Variants in ATP6V0A4 observed in about 807,000 individuals in gnomAD.
ATP6V0A4 encodes the protein ATPase H+ transporting V0 subunit a4.
ATP6V0A4 carries 86 observed loss-of-function variants against 107.3 expected under a neutral mutation model. The ratio of observed to expected loss-of-function variants is 0.80; its 90% CI spans 0.67 to 0.96. The LOEUF (loss-of-function observed/expected upper bound fraction) is 0.96, where lower values mean the gene tolerates loss of function less well. Ranked by LOEUF, ATP6V0A4 falls within the 40% of genes least tolerant of loss-of-function variation. ATP6V0A4 has a pLI of 0.00. For synonymous variants in ATP6V0A4, 353 were observed against 381.4 expected (o/e 0.93, Z 0.87); for missense variants, 908 against 1,045.6 (o/e 0.87, Z 1.81).
At chr7:138,712,851 C>A (rs539648204) in intron 20 of ATP6V0A4, among the ~76,000 whole-genome samples, 41 of 152,204 alleles carry the variant, frequency 2.7e-4, no homozygotes, top group African/African-American at 9.6e-4. Context: ...TATTATGACT[C>A]AAGTCCTCCA....
Position 138,706,433 on chromosome 7 carries a change from C to T in ATP6V0A4, c.*191G>A. 1 of 657,152 alleles carries T rather than the reference C, an allele frequency of 1.5e-6. No homozygotes were observed. Among genetic ancestry groups the T allele is most frequent in the Non-Finnish European group, 2.6e-6 (1 of 379,406 alleles). The allele number at this position is 657,152 out of a possible 1,614,324, so 40.7% of individuals were successfully genotyped here. On this transcript the variant is annotated 3_prime_UTR_variant, in exon 22 of 22. Transcript: ENST00000310018. The stretch of plus-strand genomic sequence containing the variant: ...CCCACATGAAGACAATATCACTTGC[C>T]AAAGTCCTTCCTCTGACGTGGTTAA...
intron 13 of ATP6V0A4, among the ~76,000 whole-genome samples, chr7:138,745,657 T>TAAAAA (rs1200643046): frequency 4.2e-5 from 1 of 23,900 alleles, no homozygotes. Context: ...AGCCTGTGTC[T>TAAAAA]CAAAAAAAAA....
At chr7:138,755,091 G>A (rs1806441268) in intron 10 of ATP6V0A4, among the ~76,000 whole-genome samples, 1 of 152,156 alleles carries the variant, frequency 6.6e-6, no homozygotes, top group Non-Finnish European at 1.5e-5. Flanking sequence ...TCGAACTCTA[G>A]CACTGATGAG....
intron 10 of ATP6V0A4, 68 bp downstream of exon 10, chr7:138,755,621 G>T: frequency 6.2e-7 from 1 of 1,602,038 alleles, no homozygotes. Context: ...GGCAGGGCTT[G>T]TATGAAAACA....
intron 10 of ATP6V0A4, 111 bp downstream of exon 10, chr7:138,755,578 A>G: frequency 6.9e-7 from 1 of 1,451,928 alleles, no homozygotes; most frequent in Non-Finnish European, 9.4e-7. Context: ...CATAGCCAGC[A>G]TTCCAGCCAG....
intron 21 of ATP6V0A4, among the ~76,000 whole-genome samples, chr7:138,707,732 C>T (rs1265519029): frequency 6.6e-6 from 1 of 151,386 alleles, no homozygotes; most frequent in Non-Finnish European, 1.5e-5. Context: ...AAGCCCTTCT[C>T]TCATCTGTCT....
intron 9 of ATP6V0A4, 137 bp from the exon 10 acceptor site, chr7:138,755,919 C>A: frequency 6.7e-7 from 1 of 1,485,870 alleles, no homozygotes. Context: ...TCTTTGGCCA[C>A]TGGAAAAGGA....
At position 138,732,978 on chromosome 7, in the gene ATP6V0A4, C is replaced by G. The variant is rs374330946; in HGVS notation, c.1807G>C (p.Val603Leu). The change falls in exon 17 of 22, where the codon GTC (valine) becomes CTC (leucine). Residue 603 changes from valine (V) to leucine (L), a missense_variant. Val to Leu is a conservative substitution (Grantham distance 32). Coordinates refer to ENST00000310018, the MANE Select transcript of ATP6V0A4 (RefSeq NM_020632.3). ...CTGGGGGCGTGCTGAGATACATGGA[C>G]GTCAAAGCAGCACCATTTGAAAATG... The part of the protein sequence containing the change: ...MIIFKWCCFD[V>L]HVSQHAPSIL... 6.2e-7 allele frequency: 1 copy of G among 1,613,388 alleles called. No individual in the cohort carries two copies. Among genetic ancestry groups the G allele is most frequent in the Non-Finnish European group, 8.5e-7 (1 of 1,179,762 alleles).
intron 11 of ATP6V0A4, among the ~76,000 whole-genome samples, chr7:138,751,468 G>A (rs1274018107): frequency 6.6e-6 from 1 of 151,680 alleles, no homozygotes; most frequent in Non-Finnish European, 1.5e-5. Context: ...CTTCAATGGG[G>A]TGAATAACGG....
chr7:138,788,338 G>T (rs932302278), intron 1 of ATP6V0A4, among the ~76,000 whole-genome samples: 4 of 152,194 alleles, frequency 2.6e-5, no homozygotes, highest in African/African-American at 9.6e-5. Context: ...AGTAATTGTA[G>T]GGAACCAGAA....
At chr7:138,782,907 T>A (rs2130192235) in intron 2 of ATP6V0A4, among the ~76,000 whole-genome samples, 1 of 152,210 alleles carries the variant, frequency 6.6e-6, no homozygotes, top group East Asian at 1.9e-4. Context: ...AAACCCCTTC[T>A]CTACTAAAAA....
At chr7:138,761,450 C>T (rs1344802569) in intron 7 of ATP6V0A4, among the ~76,000 whole-genome samples, 1 of 151,944 alleles carries the variant, frequency 6.6e-6, no homozygotes, top group South Asian at 2.1e-4. Flanking sequence ...CTGCCTAACA[C>T]GGTGAAACCC....
At chr7:138,712,263 C>T (rs1429233506) in intron 20 of ATP6V0A4, among the ~76,000 whole-genome samples, 3 of 151,912 alleles carry the variant, frequency 2.0e-5, no homozygotes, top group Non-Finnish European at 4.4e-5. Context: ...TGGATCTCAG[C>T]GCTTCAAGTC....
At chr7:138,734,105 G>C in intron 16 of ATP6V0A4, 31 bp downstream of exon 16, 1 of 1,584,016 alleles carries the variant, frequency 6.3e-7, no homozygotes, top group East Asian at 2.2e-5. Flanking sequence ...TGATCAGACA[G>C]AGCAGGCAGA....
intron 19 of ATP6V0A4, among the ~76,000 whole-genome samples, chr7:138,718,221 TGTGTGTGTGCGC>T (rs1395398566): frequency 9.1e-5 from 3 of 33,060 alleles, no homozygotes; most frequent in Non-Finnish European, 1.6e-4. Flanking sequence ...TGTGTGTGTG[TGTGTGTGTGCGC>T]GCAGTTATGG....
intron 1 of ATP6V0A4, among the ~76,000 whole-genome samples, chr7:138,796,818 C>T (rs956364469): frequency 2.6e-5 from 4 of 152,272 alleles, no homozygotes; most frequent in African/African-American, 7.2e-5. Context: ...GGGGAAGAGG[C>T]GTGTCTCAGT....
At chr7:138,721,488 G>A (rs571262333) in intron 19 of ATP6V0A4, among the ~76,000 whole-genome samples, 87 of 152,154 alleles carry the variant, frequency 5.7e-4, no homozygotes, top group African/African-American at 2.1e-3. Context: ...GCAGTGAGCC[G>A]AAATTGGCTC....
At chr7:138,778,254 T>C (rs1412104652) in intron 2 of ATP6V0A4, among the ~76,000 whole-genome samples, 5 of 151,236 alleles carry the variant, frequency 3.3e-5, no homozygotes, top group East Asian at 1.9e-4. Flanking sequence ...TGGGTGCCTG[T>C]AGTCCCAGCT....
intron 7 of ATP6V0A4, among the ~76,000 whole-genome samples, chr7:138,760,460 A>AAAAG (rs1554398838): frequency 0.011 from 1,663 of 145,000 alleles, 59 homozygotes; most frequent in African/African-American, 0.038. Flanking sequence ...AAAAAAAAAA[A>AAAAG]AAAAGAATAT....
Sources: allele counts gnomAD v4.1 joint callset (sites outside exome capture counted in the v4.1 genomes callset), GRCh38; gene constraint gnomAD v4.1.1; transcripts MANE v1.5; gene names NCBI Gene and HGNC (gene_info 2026-07-23, HGNC 2026-07-21).